Variants in ZDHHC24 observed in about 807,000 individuals in gnomAD.
ZDHHC24 encodes probable palmitoyltransferase ZDHHC24.
In ZDHHC24, 17 loss-of-function variants were observed where a neutral mutation model predicts 23.2. The ratio of observed to expected loss-of-function variants is 0.73; its 90% CI spans 0.50 to 1.10. The LOEUF is 1.10. Among genes scored for constraint, ZDHHC24 ranks in the 50% least tolerant of loss-of-function variants. The pLI is 0.00. For synonymous variants in ZDHHC24, 186 were observed against 194.5 expected (o/e 0.96, Z 0.36); for missense variants, 366 against 393.0 (o/e 0.93, Z 0.58).
downstream of ZDHHC24, chr11:66,520,884 A>C: frequency 3.1e-6 from 1 of 325,654 alleles, no homozygotes; most frequent in Non-Finnish European, 6.0e-6. Context: ...ACGCCCAGCT[A>C]AGTTTTGTAC....
In ZDHHC24 at chr11:66,546,028, C is replaced by T. The variant is rs1565300410; in HGVS notation, c.-25G>A. ...TGGCCTGGACACCCAGCTGTCGGAG[C>T]CGGAGGACTAGGCCGCTTCCGTATT... On this transcript the variant is annotated 5_prime_UTR_variant, in exon 1 of 3. Transcript: ENST00000310442. 14 of 1,376,068 alleles carry T rather than the reference C, an allele frequency of 1.0e-5. No individual in the cohort carries two copies. Among genetic ancestry groups the T allele is most frequent in the African/African-American group, 1.5e-5 (1 of 65,060 alleles). 85.2% of individuals were successfully genotyped at this position (1,376,068 alleles called of 1,614,324 possible).
At chr11:66,526,522 A>G in intron 4 of ZDHHC24, 1 of 1,177,418 alleles carries the variant, frequency 8.5e-7, no homozygotes, top group Non-Finnish European at 1.3e-6. Flanking sequence ...TTCCAGAAAC[A>G]GTCTCGTCTG....
downstream of ZDHHC24, chr11:66,531,838 G>T: frequency 1.2e-6 from 2 of 1,607,518 alleles, no homozygotes; most frequent in Non-Finnish European, 1.7e-6. Context: ...GCTCCTGGGT[G>T]GGGGTGGGGG....
At chr11:66,529,372 G>A (rs1332506021) in exon 3 of ZDHHC24, 2 of 1,473,420 alleles carry the variant, frequency 1.4e-6, no homozygotes, top group African/African-American at 2.8e-5. Context: ...CTGTGGAGAT[G>A]AGCAGGAGGC....
At chr11:66,540,178 G>C (rs552620259) in intron 2 of ZDHHC24, among the ~76,000 whole-genome samples, 1 of 152,106 alleles carries the variant, frequency 6.6e-6, no homozygotes, top group Non-Finnish European at 1.5e-5. Context: ...AGCACTTTGG[G>C]GGGGCGAAGC....
rs11227522 is a variant in ZDHHC24, at chr11:66,538,257, A to C, written c.*1272T>G. 36,497 of 151,270 alleles carry C rather than the reference A, an allele frequency of 0.24. 4,624 individuals carry two copies. The highest frequency in any genetic ancestry group is 0.27 in the East Asian group (1,381 of 5,072). 9.4% of individuals were successfully genotyped at this position (151,270 alleles called of 1,614,324 possible). A position where few individuals can be genotyped will look rare whatever the true frequency, so the allele number is the denominator to read the frequency against. ...ACTAAAAATACAAAAATTAGCCAGGAATGGTGGCGGGCACCTGTAATCCCA... is the reference window on the plus strand; with the variant it reads ...ACTAAAAATACAAAAATTAGCCAGGCATGGTGGCGGGCACCTGTAATCCCA... On this transcript the variant is annotated 3_prime_UTR_variant, in exon 3 of 3. Transcript: ENST00000310442.
chr11:66,521,782 C>G (rs182044294), intron 4 of ZDHHC24, among the ~76,000 whole-genome samples: 2 of 151,574 alleles, frequency 1.3e-5, no homozygotes, highest in East Asian at 3.9e-4. Flanking sequence ...GCGCATGCCT[C>G]TAGCCCCAGC....
chr11:66,538,550 AAG>A lies in ZDHHC24; in HGVS notation c.*977_*978del, dbSNP rs1327295909. ...TCCAGCCCCGGCAACAGAGAGAAAAAAGAAAATGTGGTCAGGCTCTGTGTTCT... is the reference window on the plus strand; with the variant it reads ...TCCAGCCCCGGCAACAGAGAGAAAAAAAAATGTGGTCAGGCTCTGTGTTCT... On this transcript the variant is annotated 3_prime_UTR_variant, in exon 3 of 3. Coordinates refer to ENST00000310442, the MANE Select transcript of ZDHHC24 (RefSeq NM_207340.3). 6.6e-6 allele frequency: 1 copy of A among 152,102 alleles called. No individual in the cohort carries two copies. The highest frequency in any genetic ancestry group is 1.5e-5 in the Non-Finnish European group (1 of 68,020). The allele number at this position is 152,102 out of a possible 1,614,324, so 9.4% of individuals were successfully genotyped here. A position where few individuals can be genotyped will look rare whatever the true frequency, so the allele number is the denominator to read the frequency against.
At chr11:66,522,709 T>TAGATCTCGGTGGTC in intron 4 of ZDHHC24, 1 of 181,008 alleles carries the variant, frequency 5.5e-6, no homozygotes, top group Non-Finnish European at 1.2e-5. Flanking sequence ...ATGCAGTGTG[T>TAGATCTCGGTGGTC]GGTATTAGGG....
Position 66,538,267 on chromosome 11 carries a change from G to T in ZDHHC24, c.*1262C>A, listed in dbSNP as rs1046071512. On this transcript the variant is annotated 3_prime_UTR_variant, in exon 3 of 3. Coordinates refer to ENST00000310442, the MANE Select transcript of ZDHHC24 (RefSeq NM_207340.3). The stretch of plus-strand genomic sequence containing the variant: ...CAAAAATTAGCCAGGAATGGTGGCG[G>T]GCACCTGTAATCCCAGCTACTCGGG... The T allele has an allele frequency of 1.3e-5, 2 of 151,792 alleles. No homozygotes were observed. The highest frequency in any genetic ancestry group is 6.6e-5 in the Admixed American group (1 of 15,212). The allele number at this position is 151,792 out of a possible 1,614,324, so 9.4% of individuals were successfully genotyped here. A position where few individuals can be genotyped will look rare whatever the true frequency, so the allele number is the denominator to read the frequency against.
Position 66,539,211 on chromosome 11 carries a change from C to T in ZDHHC24, c.*318G>A. On this transcript the variant is annotated 3_prime_UTR_variant, in exon 3 of 3. Coordinates refer to ENST00000310442, the MANE Select transcript of ZDHHC24 (RefSeq NM_207340.3). Reference sequence around the variant, plus strand: ...CCTACAGAGGGTCCCAGAAACAGCCCCAGCAACAAAGTGAGGGGCCAGAAA... The same window carrying T: ...CCTACAGAGGGTCCCAGAAACAGCCTCAGCAACAAAGTGAGGGGCCAGAAA... 1 of 1,067,924 alleles carries T rather than the reference C, an allele frequency of 9.4e-7. No homozygotes were observed. Among genetic ancestry groups the T allele is most frequent in the Non-Finnish European group, 1.1e-6 (1 of 884,360 alleles). 66.2% of individuals were successfully genotyped at this position (1,067,924 alleles called of 1,614,324 possible).
intron 4 of ZDHHC24, chr11:66,526,053 C>G (rs1856474384): frequency 2.1e-6 from 3 of 1,431,172 alleles, no homozygotes; most frequent in Non-Finnish European, 2.0e-6. Context: ...TGGGGCCTCC[C>G]CTACCCATCC....
intron 4 of ZDHHC24, chr11:66,524,263 G>A: frequency 6.0e-6 from 2 of 334,018 alleles, no homozygotes; most frequent in Non-Finnish European, 1.2e-5. Flanking sequence ...CTGGACAACA[G>A]AGCGAGACTC....
chr11:66,524,903 A>G (rs936082866), intron 4 of ZDHHC24, among the ~76,000 whole-genome samples: 5 of 152,048 alleles, frequency 3.3e-5, no homozygotes, highest in Admixed American at 2.0e-4. Context: ...AAAAATAAAC[A>G]AATTAGCCGG....
rs148365327 is a variant in ZDHHC24 at position 66,521,798 on chromosome 11, G to A, written c.*22-332C>T. Among the ~76,000 whole-genome samples the A allele has an allele frequency of 2.7e-3, 412 of 151,826 alleles. 5 individuals are homozygous for A. The highest frequency in any genetic ancestry group is 9.2e-3 in the African/African-American group (379 of 41,406). On this transcript the variant is annotated intron_variant, in intron 4 of 4. Transcript: ENST00000526986. ...CGCATGCCTCTAGCCCCAGCTACTCGGGAGGCTAAGGTAGGAGAATCGCTT... is the reference window on the plus strand; with the variant it reads ...CGCATGCCTCTAGCCCCAGCTACTCAGGAGGCTAAGGTAGGAGAATCGCTT...
intron 4 of ZDHHC24, among the ~76,000 whole-genome samples, chr11:66,522,397 G>A (rs1191857735): frequency 6.6e-6 from 1 of 150,422 alleles, no homozygotes; most frequent in African/African-American, 2.5e-5. Flanking sequence ...ACCCAGGCTG[G>A]AGTGCAGTGG....
exon 3 of ZDHHC24, chr11:66,529,442 A>G (rs1175442634): frequency 1.2e-6 from 1 of 840,498 alleles, no homozygotes; most frequent in South Asian, 1.4e-5. Flanking sequence ...GTGGACACCA[A>G]GGACTCCTCT....
In ZDHHC24 at chr11:66,540,319, TG is replaced by T. The variant is rs572822649; in HGVS notation, c.560-496del. On this transcript the variant is annotated intron_variant, in intron 2 of 2. Transcript: ENST00000310442. ...CTGTAATCCCAGCTACTCAGGAGGC[TG>T]GGGGGCTCAGGCAGGAGAATCGCTT... is the stretch of plus-strand genomic sequence containing the variant. 6.5e-3 allele frequency among the ~76,000 whole-genome samples: 940 copies of T among 144,446 alleles called. 6 individuals are homozygous for T. The highest frequency in any genetic ancestry group is 0.017 in the Middle Eastern group (4 of 236). The allele number at this position is 144,446 out of a possible 152,430, so 94.8% of individuals were successfully genotyped here.
intron 4 of ZDHHC24, among the ~76,000 whole-genome samples, chr11:66,522,069 T>A (rs1856258121): frequency 6.6e-6 from 1 of 150,420 alleles, no homozygotes; most frequent in Admixed American, 6.6e-5. Flanking sequence ...TACAAAAAAT[T>A]AGCTGGGCAT....
Sources: gnomAD v4.1 joint callset for allele counts (sites outside exome capture counted in the v4.1 genomes callset) on GRCh38, gnomAD v4.1.1 for gene constraint, MANE v1.5 for transcripts, NCBI Gene and HGNC (gene_info 2026-07-23, HGNC 2026-07-21) for gene names.